Variants in LAMA3 observed in about 807,000 individuals in gnomAD.
LAMA3 encodes the protein laminin subunit alpha-3.
In LAMA3, 281 loss-of-function variants were observed where a neutral mutation model predicts 402.0. The observed-to-expected ratio is 0.70, with a 90% CI of 0.63 to 0.77. The LOEUF is 0.77. Among genes scored for constraint, LAMA3 ranks in the 30% least tolerant of loss-of-function variants. LAMA3 has a pLI of 0.00. For missense variants in LAMA3, 3,840 were observed against 4,215.5 expected, an observed-to-expected ratio of 0.91 and a Z score of 2.47; for synonymous variants, 1,431 against 1,558.4, an observed-to-expected ratio of 0.92 and a Z score of 1.93.
At chr18:23,723,594 G>A (rs2061249570) in intron 2 of LAMA3, among the ~76,000 whole-genome samples, 1 of 151,460 alleles carries the variant, frequency 6.6e-6, no homozygotes, top group African/African-American at 2.4e-5. Flanking sequence ...GGAGATCAGT[G>A]ATTTTTACTT....
At chr18:23,934,079 C>A in intron 67 of LAMA3, 144 bp downstream of exon 67, 1 of 813,880 alleles carries the variant, frequency 1.2e-6, no homozygotes, top group Non-Finnish European at 2.1e-6. Flanking sequence ...TGAATCACAC[C>A]AAAATGTCAA....
At chr18:23,693,243 C>T (rs1344624263) in intron 1 of LAMA3, among the ~76,000 whole-genome samples, 1 of 152,126 alleles carries the variant, frequency 6.6e-6, no homozygotes, top group Non-Finnish European at 1.5e-5. Context: ...ACTCGGGAGG[C>T]TGAGGCAGCA....
chr18:23,824,621 G>A, intron 21 of LAMA3, 56 bp downstream of exon 21: 2 of 1,584,380 alleles, frequency 1.3e-6, no homozygotes, highest in Non-Finnish European at 8.7e-7. Context: ...CCTCAGAAGT[G>A]GTTCCATCCA....
chr18:23,933,031 G>A (rs8099403), intron 66 of LAMA3, among the ~76,000 whole-genome samples: 78,248 of 152,058 alleles, frequency 0.51, 22,913 homozygotes, highest in Non-Finnish European at 0.67. Flanking sequence ...GTTAGCAACA[G>A]CTTACTGCCA....
At chr18:23,811,000 G>C (rs2063058627) in intron 13 of LAMA3, among the ~76,000 whole-genome samples, 1 of 152,138 alleles carries the variant, frequency 6.6e-6, no homozygotes. Flanking sequence ...CTGGCCTTCT[G>C]GGGGACCGTG....
rs1355946036 is a variant in LAMA3, at chr18:23,943,923, ATT to A, written c.9163_9164del (p.Leu3055GlufsTer10). The A allele has an allele frequency of 6.2e-7, 1 of 1,614,128 alleles. No homozygotes were observed. Among genetic ancestry groups the A allele is most frequent in the Non-Finnish European group, 8.5e-7 (1 of 1,179,986 alleles). ...VFALGTDGKK[L>X]RIKSKEKCND... Reference sequence around the variant, plus strand: ...TTGCACTGGGGACAGATGGGAAAAAATTGAGGATCAAAAGCAAGGAGAAATGC... The same window carrying A: ...TTGCACTGGGGACAGATGGGAAAAAAGAGGATCAAAAGCAAGGAGAAATGC... On this transcript the variant is annotated frameshift_variant, in exon 69 of 75. Transcript: ENST00000313654. LOFTEE classifies it high-confidence loss of function.
In LAMA3 at chr18:23,857,930, A is replaced by G. The variant is rs2064121973; in HGVS notation, c.4223A>G (p.Asn1408Ser). The G allele has an allele frequency of 6.2e-7, 1 of 1,614,082 alleles. No individual in the cohort carries two copies. The highest frequency in any genetic ancestry group is 1.3e-5 in the African/African-American group (1 of 74,944). ...RFPECVPCNC[N>S]RDGTEPGVCD... ...CCTGAGTGTGTTCCCTGCAATTGCA[A>G]CAGAGATGGGACTGAGCCAGGAGTG... is the stretch of plus-strand genomic sequence containing the variant. Residue 1408 changes from asparagine to serine, a missense_variant, in exon 33 of 75, where the codon AAC becomes AGC. Asn to Ser is a conservative substitution (Grantham distance 46, BLOSUM62 1). Coordinates refer to ENST00000313654, the MANE Select transcript of LAMA3 (RefSeq NM_198129.4).
In LAMA3 at chr18:23,822,349, GC is replaced by G. The variant is rs746335702; in HGVS notation, c.2404del (p.His802IlefsTer2). On this transcript the variant is annotated frameshift_variant, in exon 20 of 75. Transcript: ENST00000313654. LOFTEE classifies it high-confidence loss of function. The stretch of plus-strand genomic sequence containing the variant: ...AACCCTGGAACTGAAGCAGTATCTG[GC>G]CATATAACTATTTATCCATCCTGGG... ...YVNPGTEAVS[G>X]HITIYPSWGA... The G allele has an allele frequency of 6.2e-7, 1 of 1,613,858 alleles. No individual in the cohort carries two copies. Among genetic ancestry groups the G allele is most frequent in the Non-Finnish European group, 8.5e-7 (1 of 1,179,784 alleles).
intron 32 of LAMA3, among the ~76,000 whole-genome samples, chr18:23,848,049 T>G (rs2063860569): frequency 1.3e-5 from 2 of 152,346 alleles, no homozygotes; most frequent in Admixed American, 6.5e-5. Flanking sequence ...CCTGTCCATT[T>G]GTATTTAGGT....
chr18:23,857,919 C>T lies in LAMA3; in HGVS notation c.4212C>T (p.Pro1404=). 1 of 1,614,250 alleles carries T rather than the reference C, an allele frequency of 6.2e-7. No individual in the cohort carries two copies. Among genetic ancestry groups the T allele is most frequent in the Non-Finnish European group, 8.5e-7 (1 of 1,180,048 alleles). ...SGFYRFPECV[P]CNCNRDGTEP... ...TTTACCGCTTTCCTGAGTGTGTTCC[C>T]TGCAATTGCAACAGAGATGGGACTG... Residue 1404 remains proline, a synonymous_variant, in exon 33 of 75, where the codon CCC becomes CCT. Coordinates refer to ENST00000313654, the MANE Select transcript of LAMA3 (RefSeq NM_198129.4).
chr18:23,813,270 T>TG (rs2063110337), intron 14 of LAMA3, among the ~76,000 whole-genome samples, 167 bp downstream of exon 14: 1 of 151,650 alleles, frequency 6.6e-6, no homozygotes, highest in Non-Finnish European at 1.5e-5. Context: ...TTGTGATTTT[T>TG]TTTTTCAAAA....
intron 41 of LAMA3, 107 bp downstream of exon 41, chr18:23,884,960 C>T: frequency 1.4e-6 from 1 of 736,728 alleles, no homozygotes; most frequent in East Asian, 2.6e-5. Flanking sequence ...GGGAGTTTGA[C>T]TGAGGCCTGG....
At chr18:23,924,278 AGTAGCTGG>A (rs1343659674) in intron 62 of LAMA3, among the ~76,000 whole-genome samples, 2 of 151,996 alleles carry the variant, frequency 1.3e-5, no homozygotes, top group African/African-American at 4.8e-5. Context: ...TGGCCTCCTG[AGTAGCTGG>A]GATTACAGGC....
At chr18:23,901,436 C>T (rs1180823006) in intron 48 of LAMA3, 113 bp downstream of exon 48, 1 of 820,784 alleles carries the variant, frequency 1.2e-6, no homozygotes, top group Non-Finnish European at 2.1e-6. Context: ...TCTCATTATA[C>T]CACCTCAGAC....
chr18:23,732,631 A>G (rs1230666326), intron 2 of LAMA3, among the ~76,000 whole-genome samples: 2 of 152,080 alleles, frequency 1.3e-5, no homozygotes, highest in African/African-American at 4.8e-5. Flanking sequence ...CATTGGCTCT[A>G]TCTCAACCTG....
chr18:23,836,412 G>A (rs1231432483), intron 24 of LAMA3, among the ~76,000 whole-genome samples: 1 of 152,182 alleles, frequency 6.6e-6, no homozygotes, highest in African/African-American at 2.4e-5. Context: ...TAACGTTAGA[G>A]TTATTTGGTT....
chr18:23,923,366 T>C (rs527625735), intron 62 of LAMA3, among the ~76,000 whole-genome samples: 29 of 152,228 alleles, frequency 1.9e-4, no homozygotes, highest in Non-Finnish European at 2.6e-4. Context: ...AGGTGAGTGA[T>C]GAGGGTGACC....
chr18:23,853,573 C>T (rs925725192), intron 32 of LAMA3, among the ~76,000 whole-genome samples: 1 of 152,170 alleles, frequency 6.6e-6, no homozygotes, highest in Non-Finnish European at 1.5e-5. Flanking sequence ...CACCCGGCCC[C>T]TTAATGACCA....
intron 12 of LAMA3, among the ~76,000 whole-genome samples, chr18:23,790,433 T>C (rs1160564486): frequency 6.6e-6 from 1 of 152,240 alleles, no homozygotes. Context: ...GTGTGTTTAT[T>C]GGGTTATAAT....
Sources: gnomAD v4.1 joint callset for allele counts (sites outside exome capture counted in the v4.1 genomes callset) on GRCh38, gnomAD v4.1.1 for gene constraint, MANE v1.5 for transcripts, NCBI Gene and HGNC (gene_info 2026-07-23, HGNC 2026-07-21) for gene names.